The following PRR16 variants were observed in gnomAD, a reference collection of about 807,000 sequenced individuals.
PRR16 encodes the protein proline rich 16.
Under a neutral mutation model 18.2 loss-of-function variants are expected in PRR16, and 6 were observed. The observed-to-expected ratio is 0.33, with a 90% CI of 0.18 to 0.65. The LOEUF is 0.65. PRR16 is among the 30% of genes least tolerant of loss of function. The pLI, the probability that PRR16 is intolerant of heterozygous loss-of-function variation, is 0.74. For synonymous variants in PRR16, 151 were observed against 147.8 expected (o/e 1.02, Z -0.16); for missense variants, 412 against 376.6 (o/e 1.09, Z -0.78).
chr5:120,478,731 C>T (rs538601979), intron 1 of PRR16, among the ~76,000 whole-genome samples: 1 of 152,048 alleles, frequency 6.6e-6, no homozygotes, highest in African/African-American at 2.4e-5. Flanking sequence ...CTCTTTGAAG[C>T]ACTTAGAATT....
intron 1 of PRR16, among the ~76,000 whole-genome samples, chr5:120,570,351 G>A (rs1404408847): frequency 2.0e-5 from 3 of 152,038 alleles, no homozygotes; most frequent in African/African-American, 7.2e-5. Flanking sequence ...CAAGAAAAAA[G>A]TAGGGTACTC....
At chr5:120,791,307 TTC>T in the PRR16 span, among the ~76,000 whole-genome samples, 226 of 152,230 alleles carry the variant, frequency 1.5e-3, 2 homozygotes, top group African/African-American at 5.2e-3. Context: ...AAATTGTGCT[TTC>T]TGTTTTCTAA....
intron 1 of PRR16, among the ~76,000 whole-genome samples, chr5:120,680,617 T>C (rs1756941815): frequency 6.6e-6 from 1 of 152,186 alleles, no homozygotes; most frequent in South Asian, 2.1e-4. Context: ...TTATAAGATA[T>C]TCTTTAAAAG....
rs114263529 is a variant in PRR16, at chr5:120,672,735, A to G, written c.160-13219A>G. Among the ~76,000 whole-genome samples, 427 of 152,334 alleles carry G rather than the reference A, an allele frequency of 2.8e-3. 5 individuals carry two copies. Among genetic ancestry groups the G allele is most frequent in the African/African-American group, 0.01 (418 of 41,572 alleles). ...TTTAACATCTATAGGGGAAATTAAAATAGACAACTTGAGGATTTGTTTAAT... is the reference window on the plus strand; with the variant it reads ...TTTAACATCTATAGGGGAAATTAAAGTAGACAACTTGAGGATTTGTTTAAT... On this transcript the variant is annotated intron_variant, in intron 1 of 1. Transcript: ENST00000407149.
At chr5:120,628,188 T>A (rs985056390) in intron 1 of PRR16, among the ~76,000 whole-genome samples, 2 of 152,136 alleles carry the variant, frequency 1.3e-5, no homozygotes, top group African/African-American at 4.8e-5. Flanking sequence ...TCACTTCATG[T>A]TTTCTGTATT....
intron 1 of PRR16, among the ~76,000 whole-genome samples, chr5:120,655,260 A>G (rs981713864): frequency 4.0e-5 from 6 of 151,784 alleles, no homozygotes; most frequent in Admixed American, 1.3e-4. Flanking sequence ...GATTGTGTAT[A>G]TTAGCTGATA....
At chr5:120,731,329 A>T in the PRR16 span, among the ~76,000 whole-genome samples, 1 of 152,210 alleles carries the variant, frequency 6.6e-6, no homozygotes, top group Non-Finnish European at 1.5e-5. Context: ...ACTATAGGAG[A>T]AGCCTTGCAT....
the PRR16 span, among the ~76,000 whole-genome samples, chr5:120,749,054 C>T: frequency 6.6e-6 from 1 of 151,950 alleles, no homozygotes; most frequent in Middle Eastern, 3.2e-3. Flanking sequence ...AAGGCCTTAC[C>T]ATATGTCAAA....
At chr5:120,517,853 T>C (rs1032500000) in intron 1 of PRR16, among the ~76,000 whole-genome samples, 2 of 152,248 alleles carry the variant, frequency 1.3e-5, no homozygotes, top group Non-Finnish European at 2.9e-5. Context: ...TCTTTGCCAC[T>C]GCTCTCTTTG....
intron 1 of PRR16, among the ~76,000 whole-genome samples, chr5:120,546,794 C>T (rs540555848): frequency 6.6e-6 from 1 of 152,028 alleles, no homozygotes; most frequent in African/African-American, 2.4e-5. Flanking sequence ...TGGCTTCACC[C>T]AGAAAAGACC....
intron 1 of PRR16, among the ~76,000 whole-genome samples, chr5:120,583,431 T>C (rs1205710567): frequency 6.6e-6 from 1 of 152,012 alleles, no homozygotes; most frequent in South Asian, 2.1e-4. Flanking sequence ...TAGAAAACAA[T>C]GAGCCACATT....
intron 1 of PRR16, among the ~76,000 whole-genome samples, chr5:120,652,944 C>G (rs1366167296): frequency 6.6e-6 from 1 of 151,816 alleles, no homozygotes; most frequent in Non-Finnish European, 1.5e-5. Flanking sequence ...TTCAGTAAAT[C>G]TAAAAATGTT....
At chr5:120,513,538 G>T (rs986666792) in intron 1 of PRR16, among the ~76,000 whole-genome samples, 1 of 151,782 alleles carries the variant, frequency 6.6e-6, no homozygotes, top group African/African-American at 2.4e-5. Context: ...CCTCCACCTG[G>T]AATTTTGTCT....
chr5:120,749,282 G>C, the PRR16 span, among the ~76,000 whole-genome samples: 44 of 151,918 alleles, frequency 2.9e-4, no homozygotes, highest in Non-Finnish European at 6.3e-4. Flanking sequence ...GGATTAAATT[G>C]AGCATTCAAA....
intron 1 of PRR16, among the ~76,000 whole-genome samples, chr5:120,529,799 G>C (rs527939613): frequency 3.2e-4 from 48 of 152,150 alleles, no homozygotes; most frequent in African/African-American, 1.1e-3. Flanking sequence ...TATTAAAATA[G>C]AATAATTGTC....
chr5:120,672,209 G>A (rs1222198130), intron 1 of PRR16, among the ~76,000 whole-genome samples: 1 of 150,624 alleles, frequency 6.6e-6, no homozygotes, highest in Admixed American at 6.6e-5. Context: ...GAGATACAGG[G>A]GCTAATTCTT....
chr5:120,674,765 A>C (rs934318363), intron 1 of PRR16, among the ~76,000 whole-genome samples: 6 of 151,670 alleles, frequency 4.0e-5, no homozygotes, highest in Non-Finnish European at 8.8e-5. Flanking sequence ...CAGTTTTTGA[A>C]GCTCCAATAT....
chr5:120,665,464 A>T (rs184591988), intron 1 of PRR16, among the ~76,000 whole-genome samples: 2,926 of 152,230 alleles, frequency 0.019, 48 homozygotes, highest in Admixed American at 0.055. Flanking sequence ...TAGTTTAATT[A>T]GATCCCATTT....
chr5:120,470,794 A>G (rs1749242612), intron 1 of PRR16, among the ~76,000 whole-genome samples: 1 of 152,170 alleles, frequency 6.6e-6, no homozygotes, highest in South Asian at 2.1e-4. Context: ...GAGGTCCGAG[A>G]TAGTAAGTCA....
Sources: allele counts gnomAD v4.1 joint callset (sites outside exome capture counted in the v4.1 genomes callset), GRCh38; gene constraint gnomAD v4.1.1; transcripts MANE v1.5; gene names NCBI Gene and HGNC (gene_info 2026-07-23, HGNC 2026-07-21).